The following SPTBN5 variants were observed in gnomAD, a reference collection of about 807,000 sequenced individuals.
SPTBN5 encodes the protein spectrin beta chain, non-erythrocytic 5.
Under a neutral mutation model 477.6 loss-of-function variants are expected in SPTBN5, and 513 were observed. That is an observed-to-expected ratio of 1.07 (90% CI 1.00 to 1.16). The LOEUF (loss-of-function observed/expected upper bound fraction) is 1.16, where lower values mean the gene tolerates loss of function less well. Ranked by LOEUF, SPTBN5 falls within the 50% of genes most tolerant of loss-of-function variation. The pLI is 0.00. For missense variants in SPTBN5, 5,062 were observed against 4,731.8 expected, an observed-to-expected ratio of 1.07 and a Z score of -2.05; for synonymous variants, 2,169 against 2,011.7, an observed-to-expected ratio of 1.08 and a Z score of -2.09.
intron 39 of SPTBN5, among the ~76,000 whole-genome samples, chr15:41,864,339 C>T (rs191390247): frequency 6.6e-5 from 10 of 152,132 alleles, no homozygotes; most frequent in Non-Finnish European, 1.2e-4. Flanking sequence ...ACTCTTGAGA[C>T]GGAGTCTCCC....
Position 41,849,975 on chromosome 15 carries a change from A to G in SPTBN5, c.10922-16T>C. 1 of 1,571,824 alleles carries G rather than the reference A, an allele frequency of 6.4e-7. No individual in the cohort carries two copies. Among genetic ancestry groups the G allele is most frequent in the Non-Finnish European group, 8.6e-7 (1 of 1,157,206 alleles). On this transcript the variant is annotated splice_polypyrimidine_tract_variant and intron_variant, in intron 66 of 67. Transcript: ENST00000320955. ...AGACTCTGGGCTGCAGAGCAAGGGAATAACCACTGTTAGCCCGGCCCAGAC... is the reference window on the plus strand; with the variant it reads ...AGACTCTGGGCTGCAGAGCAAGGGAGTAACCACTGTTAGCCCGGCCCAGAC...
intron 67 of SPTBN5, among the ~76,000 whole-genome samples, chr15:41,849,344 C>G (rs894387382): frequency 6.6e-6 from 1 of 152,162 alleles, no homozygotes; most frequent in Non-Finnish European, 1.5e-5. Flanking sequence ...GCCTGCAGGC[C>G]GGGACATGCT....
At chr15:41,851,748 C>T (rs765390712) in intron 63 of SPTBN5, 31 bp downstream of exon 63, 8 of 1,562,398 alleles carry the variant, frequency 5.1e-6, no homozygotes, top group Admixed American at 1.7e-5. Flanking sequence ...AAGTGGGGAG[C>T]TGCCTGGAGA....
At position 41,884,716 on chromosome 15, in the gene SPTBN5, T is replaced by G. The variant is rs76492955; in HGVS notation, c.1520+1019A>C. 6.1e-3 allele frequency among the ~76,000 whole-genome samples: 926 copies of G among 152,304 alleles called. 8 individuals carry two copies. The highest frequency in any genetic ancestry group is 0.021 in the African/African-American group (883 of 41,564). The stretch of plus-strand genomic sequence containing the variant: ...CTCTGAGTAAAAGCCAAATCGTTAC[T>G]GTGCCCTGCAAGGCCCGACTTGACC... On this transcript the variant is annotated intron_variant, in intron 7 of 67. Coordinates refer to ENST00000320955, the MANE Select transcript of SPTBN5 (RefSeq NM_016642.4).
chr15:41,865,807 C>T lies in SPTBN5; in HGVS notation c.6918+1G>A. ...ACCTCTACCCAGCAAGGCCCTCTTACCCCGGCCGAGTTTCCTCGGAACTCG... is the reference window on the plus strand; with the variant it reads ...ACCTCTACCCAGCAAGGCCCTCTTATCCCGGCCGAGTTTCCTCGGAACTCG... On this transcript the variant is annotated splice_donor_variant, in intron 39 of 67. Coordinates refer to ENST00000320955, the MANE Select transcript of SPTBN5 (RefSeq NM_016642.4). LOFTEE classifies it high-confidence loss of function. The T allele has an allele frequency of 6.4e-7, 1 of 1,556,790 alleles. No individual in the cohort carries two copies. Among genetic ancestry groups the T allele is most frequent in the East Asian group, 2.4e-5 (1 of 41,370 alleles).
intron 67 of SPTBN5, 150 bp from the exon 68 acceptor site, chr15:41,848,778 T>TGCA: frequency 1.1e-6 from 1 of 939,632 alleles, no homozygotes; most frequent in Non-Finnish European, 1.7e-6. Flanking sequence ...TGACAGGCGC[T>TGCA]GCAGCAGCGA....
chr15:41,849,561 T>C (rs903128027), intron 67 of SPTBN5, among the ~76,000 whole-genome samples: 1 of 151,970 alleles, frequency 6.6e-6, no homozygotes, highest in African/African-American at 2.4e-5. Flanking sequence ...ACCTGGCTGC[T>C]CCTCCCACAA....
chr15:41,848,667 A>C (rs1411512717), intron 67 of SPTBN5, 39 bp from the exon 68 acceptor site: 2 of 1,613,016 alleles, frequency 1.2e-6, no homozygotes, highest in South Asian at 2.2e-5. Flanking sequence ...GGGTATGGCC[A>C]CCCCAGAATC....
At position 41,853,303 on chromosome 15, in the gene SPTBN5, C is replaced by G. The variant is rs1209594700; in HGVS notation, c.10125G>C (p.Gln3375His). 1 of 1,611,776 alleles carries G rather than the reference C, an allele frequency of 6.2e-7. No homozygotes were observed. The highest frequency in any genetic ancestry group is 8.5e-7 in the Non-Finnish European group (1 of 1,178,790). Residue 3375 changes from glutamine to histidine, a missense_variant, in exon 59 of 68, where the codon CAG becomes CAC. Transcript: ENST00000320955. ...ECRLQAQDLR[Q>H]EGQQLVDNSH... The stretch of plus-strand genomic sequence containing the variant: ...TGTTGTCCACCAGCTGCTGTCCTTC[C>G]TGCCGCAGGTCCTGGGCTTGAAGGC...
rs146672510 is a variant in SPTBN5, at chr15:41,848,613, A to G, written c.*3T>C. The stretch of plus-strand genomic sequence containing the variant: ...GAAGTTTGGTGTTGCACTGGGGTTC[A>G]CCTCAGGGATCAGACCTGTTGGGAA... On this transcript the variant is annotated 3_prime_UTR_variant, in exon 68 of 68. Coordinates refer to ENST00000320955, the MANE Select transcript of SPTBN5 (RefSeq NM_016642.4). 6.9e-4 allele frequency: 1,118 copies of G among 1,613,876 alleles called. 11 individuals carry two copies. In the African/African-American group the frequency reaches 0.014, roughly 20 times the overall value.
chr15:41,848,745 TG>T, intron 67 of SPTBN5, 117 bp from the exon 68 acceptor site: 1 of 1,213,170 alleles, frequency 8.2e-7, no homozygotes, highest in South Asian at 1.2e-5. Flanking sequence ...AGAATAAGCG[TG>T]GGAGTGGATT....
intron 5 of SPTBN5, 103 bp downstream of exon 5, chr15:41,887,825 T>C: frequency 2.5e-6 from 3 of 1,215,016 alleles, no homozygotes; most frequent in Non-Finnish European, 3.4e-6. Flanking sequence ...CCACTTTCCC[T>C]CCTTCAAGCC....
At chr15:41,857,919 T>C (rs996870073) in intron 49 of SPTBN5, among the ~76,000 whole-genome samples, 2 of 152,244 alleles carry the variant, frequency 1.3e-5, no homozygotes, top group African/African-American at 2.4e-5. Flanking sequence ...ATAAGTCATA[T>C]AAAATACTTA....
Position 41,853,443 on chromosome 15 carries a change from A to C in SPTBN5, c.9985T>G (p.Trp3329Gly). ...FLGRCQELLA[W>G]AQERQELASS... The stretch of plus-strand genomic sequence containing the variant: ...GCCAGCTCCTGCCTCTCCTGTGCCC[A>C]TGCTCTGTGGGGCAGGGAAGGGAGC... The change falls in exon 59 of 68, where the codon TGG (tryptophan) becomes GGG (glycine). Residue 3329 changes from tryptophan (W) to glycine (G), a missense_variant. Transcript: ENST00000320955. 6.3e-7 allele frequency: 1 copy of C among 1,575,938 alleles called. No individual in the cohort carries two copies.
In SPTBN5 at chr15:41,876,046, A is replaced by G. The variant is rs2066712357; in HGVS notation, c.4122+68T>C. The G allele has an allele frequency of 2.6e-6, 4 of 1,536,498 alleles. No individual in the cohort carries two copies. In the South Asian group the frequency reaches 4.7e-5, roughly 18 times the overall value. ...CCTTCAAAGACTCTTCCATGAAAAC[A>G]GGTGGTGCAGTAGGGTTGGGAATTT... On this transcript the variant is annotated intron_variant, in intron 21 of 67. Coordinates refer to ENST00000320955, the MANE Select transcript of SPTBN5 (RefSeq NM_016642.4).
rs1470119543 is a variant in SPTBN5 at position 41,857,819 on chromosome 15, G to A, written c.8227-109C>T. On this transcript the variant is annotated intron_variant, in intron 49 of 67. Transcript: ENST00000320955. ...AGAGCTGCAGAGTCCCTGCGGTCCA[G>A]CTGCATGATCTTGAGCAACTTTCTT... 5.2e-6 allele frequency: 7 copies of A among 1,345,314 alleles called. No individual in the cohort carries two copies. In the East Asian group the frequency reaches 1.3e-4, roughly 24 times the overall value. 83.3% of individuals were successfully genotyped at this position (1,345,314 alleles called of 1,614,324 possible).
At chr15:41,885,294 G>T (rs190988936) in intron 7 of SPTBN5, among the ~76,000 whole-genome samples, 1 of 152,218 alleles carries the variant, frequency 6.6e-6, no homozygotes, top group Non-Finnish European at 1.5e-5. Context: ...AACGTGCTGG[G>T]ATTACAGGCA....
chr15:41,873,462 A>G, intron 26 of SPTBN5, 30 bp downstream of exon 26: 1 of 1,503,148 alleles, frequency 6.7e-7, no homozygotes, highest in Non-Finnish European at 9.1e-7. Flanking sequence ...CACCCAGACC[A>G]CACTGCAGGG....
rs998609676 is a variant in SPTBN5 at position 41,879,497 on chromosome 15, C to A, written c.2945G>T (p.Trp982Leu). The change falls in exon 16 of 68, where the codon TGG (tryptophan) becomes TTG (leucine). Residue 982 changes from tryptophan (W) to leucine (L), a missense_variant and splice_region_variant. Coordinates refer to ENST00000320955, the MANE Select transcript of SPTBN5 (RefSeq NM_016642.4). ...CCTCTTCAGGGCCTCCAGCTGCCCCCACCTGGGCAGAGGGTACAAGGTTGT... is the reference window on the plus strand; with the variant it reads ...CCTCTTCAGGGCCTCCAGCTGCCCCAACCTGGGCAGAGGGTACAAGGTTGT... ...QRQQEELSQR[W>L]GQLEALKREK... 1.4e-5 allele frequency: 22 copies of A among 1,560,622 alleles called. No homozygotes were observed. Among genetic ancestry groups the A allele is most frequent in the Middle Eastern group, 3.4e-4 (2 of 5,816 alleles).
Sources: gnomAD v4.1 joint callset for allele counts (sites outside exome capture counted in the v4.1 genomes callset) on GRCh38, gnomAD v4.1.1 for gene constraint, MANE v1.5 for transcripts, NCBI Gene and HGNC (gene_info 2026-07-23, HGNC 2026-07-21) for gene names.